The following KIF14 variants were observed in gnomAD, a reference collection of about 807,000 sequenced individuals.
The protein encoded by KIF14 is kinesin-like protein KIF14.
KIF14 carries 98 observed loss-of-function variants against 176.2 expected under a neutral mutation model. The observed-to-expected ratio is 0.56, with a 90% CI of 0.47 to 0.66. The LOEUF is 0.66. KIF14 is among the 30% of genes least tolerant of loss of function. The pLI is 0.00. For synonymous variants in KIF14, 566 were observed against 632.2 expected (o/e 0.90, Z 1.57); for missense variants, 1,751 against 1,920.4 (o/e 0.91, Z 1.65).
chr1:200,614,281 C>G, intron 4 of KIF14, 37 bp downstream of exon 4: 1 of 1,136,986 alleles, frequency 8.8e-7, no homozygotes, highest in Non-Finnish European at 1.3e-6. Context: ...CTATTTTCTA[C>G]TCTGAAAAGA....
Position 200,586,143 on chromosome 1 carries a change from T to G in KIF14, c.3199A>C (p.Ile1067Leu), listed in dbSNP as rs1359319948. 6.2e-7 allele frequency: 1 copy of G among 1,600,940 alleles called. No individual in the cohort carries two copies. The highest frequency in any genetic ancestry group is 8.5e-7 in the Non-Finnish European group (1 of 1,171,464). The stretch of plus-strand genomic sequence containing the variant: ...CTATTATTCCGATTCTGCTGTAGAA[T>G]TTGTACTTCTTTAGCAATTTTTTGC... ...EKQKIAKEVQ[I>L]LQQNRNNRDK... Residue 1067 changes from isoleucine (I) to leucine (L), a missense_variant, in exon 19 of 30, where the codon ATT becomes CTT. By Grantham distance (5) the Ile-to-Leu change is conservative (BLOSUM62 2). Coordinates refer to ENST00000367350, the MANE Select transcript of KIF14 (RefSeq NM_014875.3).
Position 200,581,204 on chromosome 1 carries a change from C to A in KIF14, c.3332G>T (p.Gly1111Val). Reference sequence around the variant, plus strand: ...ATCAGGATAATTAATTACTCACCTGCCAAAAACATAGTATGTTTTCAATTT... The same window carrying A: ...ATCAGGATAATTAATTACTCACCTGACAAAAACATAGTATGTTTTCAATTT... ...SSKLKTYYVF[G>V]RHDISDKSSS... The change falls in exon 20 of 30, where the codon GGC (glycine) becomes GTC (valine). Residue 1111 changes from glycine (G) to valine (V), a missense_variant. Coordinates refer to ENST00000367350, the MANE Select transcript of KIF14 (RefSeq NM_014875.3). 2 of 1,572,870 alleles carry A rather than the reference C, an allele frequency of 1.3e-6. No individual in the cohort carries two copies. The highest frequency in any genetic ancestry group is 1.8e-5 in the Admixed American group (1 of 55,504).
In KIF14 at chr1:200,615,339, T is replaced by C. The variant is rs749978183; in HGVS notation, c.1367+16A>G. 1.9e-6 allele frequency: 3 copies of C among 1,601,878 alleles called. No homozygotes were observed. In the East Asian group the frequency reaches 6.7e-5, roughly 36 times the overall value. ...TTTAAACACTTCTGGATAATTGCAT[T>C]TCCAATACAACTTACGTATATGATT... On this transcript the variant is annotated intron_variant, in intron 3 of 29. Transcript: ENST00000367350.
In KIF14 at chr1:200,552,915, T is replaced by TTTTTTTTA. The variant is rs1656611634; in HGVS notation, c.*472_*473insTAAAAAAA. The TTTTTTTTA allele has an allele frequency of 1.5e-5, 2 of 134,246 alleles. No individual in the cohort carries two copies. Among genetic ancestry groups the TTTTTTTTA allele is most frequent in the Admixed American group, 7.8e-5 (1 of 12,770 alleles). The allele number at this position is 134,246 out of a possible 1,614,324, so 8.3% of individuals were successfully genotyped here. A position where few individuals can be genotyped will look rare whatever the true frequency, so the allele number is the denominator to read the frequency against. On this transcript the variant is annotated 3_prime_UTR_variant, in exon 30 of 30. Coordinates refer to ENST00000367350, the MANE Select transcript of KIF14 (RefSeq NM_014875.3). Reference sequence around the variant, plus strand: ...TAAACACTTTAAAGATAAAAATATATTTTATTTATTTATTTATTTATTTAT... The same window carrying TTTTTTTTA: ...TAAACACTTTAAAGATAAAAATATATTTTTTTTATTTATTTATTTATTTATTTATTTAT...
At chr1:200,615,303 AC>A in intron 3 of KIF14, 51 bp downstream of exon 3, 1 of 1,537,434 alleles carries the variant, frequency 6.5e-7, no homozygotes. Flanking sequence ...GCCACTTCTC[AC>A]AAAAGTATAT....
chr1:200,563,334 C>A (rs1657263773), intron 25 of KIF14, among the ~76,000 whole-genome samples: 1 of 151,798 alleles, frequency 6.6e-6, no homozygotes, highest in South Asian at 2.1e-4. Flanking sequence ...AAATCTAACC[C>A]TCTTAGTATT....
In KIF14 at chr1:200,600,408, A is replaced by C. The variant is rs903420984; in HGVS notation, c.2248T>G (p.Ser750Ala). 2.5e-6 allele frequency: 4 copies of C among 1,613,762 alleles called. No individual in the cohort carries two copies. Among genetic ancestry groups the C allele is most frequent in the Non-Finnish European group, 3.4e-6 (4 of 1,179,770 alleles). The change falls in exon 12 of 30, where the codon TCC becomes GCC. Residue 750 changes from serine (S) to alanine (A), a missense_variant. Physicochemically the swap from Ser to Ala is moderately conservative, Grantham distance 99. Coordinates refer to ENST00000367350, the MANE Select transcript of KIF14 (RefSeq NM_014875.3). ...RYRLCRQEIT[S>A]LRMKLHQQER... ...TGTTGATGCAGTTTCATTCTTAAGGATGTTATTTCTTGCCGACAGAGCCTG... is the reference window on the plus strand; with the variant it reads ...TGTTGATGCAGTTTCATTCTTAAGGCTGTTATTTCTTGCCGACAGAGCCTG...
intron 18 of KIF14, 115 bp from the exon 19 acceptor site, chr1:200,586,342 C>T: frequency 3.7e-6 from 3 of 804,606 alleles, no homozygotes; most frequent in Non-Finnish European, 3.7e-6. Context: ...AACCATTTTA[C>T]AATTTATATA....
At chr1:200,608,506 G>A (rs992657096) in intron 5 of KIF14, among the ~76,000 whole-genome samples, 16 of 152,116 alleles carry the variant, frequency 1.1e-4, no homozygotes, top group African/African-American at 3.4e-4. Flanking sequence ...GGGACTATAG[G>A]TGCAATCCGC....
At chr1:200,565,991 G>A (rs1054968418) in intron 23 of KIF14, among the ~76,000 whole-genome samples, 3 of 152,112 alleles carry the variant, frequency 2.0e-5, no homozygotes, top group Admixed American at 1.3e-4. Flanking sequence ...TTCCAAAAAT[G>A]TTCAGGCATA....
rs778734773 is a variant in KIF14, at chr1:200,602,018, G to A, written c.2030C>T (p.Thr677Met). The change falls in exon 11 of 30, where the codon ACG (threonine) becomes ATG (methionine). Residue 677 changes from threonine (T) to methionine (M), a missense_variant. Transcript: ENST00000367350. ...GGNSKTAMIA[T>M]ISPAASNIEE... ...TATGTTGCTGGCAGCGGGACTAATC[G>A]TAGCAATCATTGCAGTTTTTGAATT... 57 of 1,613,544 alleles carry A rather than the reference G, an allele frequency of 3.5e-5. No homozygotes were observed. Among genetic ancestry groups the A allele is most frequent in the Admixed American group, 8.3e-5 (5 of 59,946 alleles).
chr1:200,603,388 A>G, intron 9 of KIF14, 47 bp from the exon 10 acceptor site: 3 of 858,714 alleles, frequency 3.5e-6, no homozygotes, highest in Non-Finnish European at 3.8e-6. Context: ...ACTTCTCAGC[A>G]AGAAATTTAT....
chr1:200,618,108 C>A lies in KIF14; in HGVS notation c.616G>T (p.Ala206Ser), dbSNP rs747389733. The part of the protein sequence containing the change: ...YKETFSAPSR[A>S]NENVALKYSS... ...TACTTAAGTGCAACATTTTCATTTG[C>A]TCTACTGGGGGCAGAAAATGTTTCT... Residue 206 changes from alanine (A) to serine (S), a missense_variant, in exon 2 of 30, where the codon GCA (alanine) becomes TCA (serine). Physicochemically the swap from Ala to Ser is moderately conservative, Grantham distance 99. Transcript: ENST00000367350. The A allele has an allele frequency of 1.2e-6, 2 of 1,614,118 alleles. No homozygotes were observed. Among genetic ancestry groups the A allele is most frequent in the East Asian group, 4.5e-5 (2 of 44,882 alleles).
chr1:200,559,374 T>C lies in KIF14; in HGVS notation c.4309A>G (p.Lys1437Glu), dbSNP rs1657004605. ...ILLDSGLEKAKELQHELFRQC... is the reference protein window; with the variant it reads ...ILLDSGLEKAEELQHELFRQC... ...CTAAAGAGTTCATGCTGAAGTTCTT[T>C]TGCTTTTTCCAGTCCAGAATCTAAT... Residue 1437 changes from lysine to glutamate, a missense_variant, in exon 27 of 30, where the codon AAA becomes GAA. Physicochemically the swap from Lys to Glu is moderately conservative, Grantham distance 56. Coordinates refer to ENST00000367350, the MANE Select transcript of KIF14 (RefSeq NM_014875.3). 1 of 1,592,942 alleles carries C rather than the reference T, an allele frequency of 6.3e-7. No homozygotes were observed.
chr1:200,609,701 C>CA (rs1660060215), intron 4 of KIF14, among the ~76,000 whole-genome samples: 1 of 152,132 alleles, frequency 6.6e-6, no homozygotes, highest in Non-Finnish European at 1.5e-5. Flanking sequence ...CCTATACATC[C>CA]AAAACAATTG....
At chr1:200,582,098 G>A (rs1012363328) in intron 19 of KIF14, among the ~76,000 whole-genome samples, 5 of 152,108 alleles carry the variant, frequency 3.3e-5, no homozygotes, top group Admixed American at 1.3e-4. Context: ...TTATGACTGG[G>A]CACAGTAGCT....
In KIF14 at chr1:200,555,373, C is replaced by A; in HGVS notation, c.4428+7G>T. 6.6e-7 allele frequency: 1 copy of A among 1,517,264 alleles called. No homozygotes were observed. The highest frequency in any genetic ancestry group is 9.0e-7 in the Non-Finnish European group (1 of 1,112,088). The allele number at this position is 1,517,264 out of a possible 1,614,324, so 94.0% of individuals were successfully genotyped here. A position where few individuals can be genotyped will look rare whatever the true frequency, so the allele number is the denominator to read the frequency against. On this transcript the variant is annotated splice_region_variant and intron_variant, in intron 28 of 29. Transcript: ENST00000367350. ...CAAAATTAAAATCAATTTAAAGCTT[C>A]TCTTACAATTTTCGATTCAGCAAAG...
At chr1:200,554,124 C>G (rs1656702694) in intron 29 of KIF14, among the ~76,000 whole-genome samples, 3 of 152,202 alleles carry the variant, frequency 2.0e-5, no homozygotes, top group South Asian at 2.1e-4. Context: ...GGGACTGTGG[C>G]TCATGCCTGT....
intron 22 of KIF14, among the ~76,000 whole-genome samples, chr1:200,570,910 C>T (rs1347202061): frequency 6.6e-6 from 1 of 152,084 alleles, no homozygotes; most frequent in Non-Finnish European, 1.5e-5. Context: ...ACCTTCCTCC[C>T]ACCCACCATC....
Sources: gnomAD v4.1 joint callset for allele counts (sites outside exome capture counted in the v4.1 genomes callset) on GRCh38, gnomAD v4.1.1 for gene constraint, MANE v1.5 for transcripts, NCBI Gene and HGNC (gene_info 2026-07-23, HGNC 2026-07-21) for gene names.